Variants in ARHGAP24 observed in about 807,000 individuals in gnomAD.
ARHGAP24 encodes the protein rho GTPase-activating protein 24.
A neutral mutation model predicts 76.4 loss-of-function variants in ARHGAP24; 50 were observed. The observed-to-expected ratio is 0.65, with a 90% CI of 0.52 to 0.83. ARHGAP24 has a LOEUF of 0.83. ARHGAP24 is among the 40% of genes least tolerant of loss of function. ARHGAP24 has a pLI of 0.00. For missense variants in ARHGAP24, 930 were observed against 914.2 expected, an observed-to-expected ratio of 1.02 and a Z score of -0.22; for synonymous variants, 345 against 323.3, an observed-to-expected ratio of 1.07 and a Z score of -0.72.
chr4:85,778,593 T>A, intron 3 of ARHGAP24: 3 of 852,594 alleles, frequency 3.5e-6, no homozygotes, highest in Non-Finnish European at 4.2e-6. Context: ...TTTCTATGAT[T>A]CCTATTTCTT....
intron 2 of ARHGAP24, among the ~76,000 whole-genome samples, chr4:85,574,657 A>G (rs769414359): frequency 5.3e-5 from 8 of 152,226 alleles, no homozygotes; most frequent in Non-Finnish European, 1.2e-4. Flanking sequence ...CTCAAACTAC[A>G]CAACTATGTT....
intron 2 of ARHGAP24, among the ~76,000 whole-genome samples, chr4:85,668,044 C>T (rs961033456): frequency 6.6e-6 from 1 of 152,112 alleles, no homozygotes; most frequent in Non-Finnish European, 1.5e-5. Context: ...TTAGACATTT[C>T]AAGGCTTATT....
At chr4:85,553,499 T>C (rs1331951194) in intron 1 of ARHGAP24, among the ~76,000 whole-genome samples, 2 of 152,182 alleles carry the variant, frequency 1.3e-5, no homozygotes, top group African/African-American at 4.8e-5. Context: ...CACAGAGCGC[T>C]GATTGGTGCA....
At chr4:85,911,399 A>G (rs1021202151) in intron 3 of ARHGAP24, among the ~76,000 whole-genome samples, 4 of 152,254 alleles carry the variant, frequency 2.6e-5, no homozygotes, top group Non-Finnish European at 5.9e-5. Context: ...AAAAAAGAAA[A>G]AAAAAATTAA....
chr4:85,677,360 C>CTAGT (rs1208617596), intron 2 of ARHGAP24, among the ~76,000 whole-genome samples: 1 of 152,208 alleles, frequency 6.6e-6, no homozygotes, highest in Non-Finnish European at 1.5e-5. Flanking sequence ...GCTACCCAAC[C>CTAGT]TAGTTAGGCA....
chr4:85,577,332 C>A (rs1389814075), intron 2 of ARHGAP24, among the ~76,000 whole-genome samples: 1 of 151,848 alleles, frequency 6.6e-6, no homozygotes, highest in Non-Finnish European at 1.5e-5. Flanking sequence ...GGAAAGTTTG[C>A]TTCAAACAAC....
At chr4:85,652,482 C>T (rs1219899585) in intron 2 of ARHGAP24, among the ~76,000 whole-genome samples, 1 of 152,164 alleles carries the variant, frequency 6.6e-6, no homozygotes, top group Non-Finnish European at 1.5e-5. Context: ...TTATGTGTGA[C>T]TTGTGCCTAG....
intron 3 of ARHGAP24, among the ~76,000 whole-genome samples, chr4:85,832,217 T>C (rs969648385): frequency 6.6e-6 from 1 of 152,096 alleles, no homozygotes; most frequent in African/African-American, 2.4e-5. Context: ...TTAGCTAGTT[T>C]GTATAATTCC....
intron 8 of ARHGAP24, among the ~76,000 whole-genome samples, chr4:85,980,010 TG>T (rs1362331179): frequency 3.3e-5 from 5 of 152,184 alleles, no homozygotes; most frequent in African/African-American, 1.2e-4. Flanking sequence ...CTTCCTAGTT[TG>T]GGGTAGCTAT....
intron 2 of ARHGAP24, among the ~76,000 whole-genome samples, chr4:85,716,509 A>G (rs950937939): frequency 6.6e-6 from 1 of 152,090 alleles, no homozygotes; most frequent in African/African-American, 2.4e-5. Context: ...ACTCTTATCA[A>G]AAAGGTTCCA....
intron 2 of ARHGAP24, among the ~76,000 whole-genome samples, chr4:85,610,451 CAAAAAAAAAAAAAA>C (rs57348830): frequency 2.5e-4 from 13 of 51,212 alleles, no homozygotes; most frequent in African/African-American, 4.0e-4. Flanking sequence ...ACTCCATCTA[CAAAAAAAAAAAAAA>C]AAAAAAAAAA....
At chr4:85,657,501 AAT>A (rs1359115939) in intron 2 of ARHGAP24, among the ~76,000 whole-genome samples, 1 of 152,190 alleles carries the variant, frequency 6.6e-6, no homozygotes, top group Admixed American at 6.5e-5. Context: ...GAAAATCTTT[AAT>A]ATCTAGCCAG....
intron 3 of ARHGAP24, among the ~76,000 whole-genome samples, chr4:85,848,956 T>G (rs1731055659): frequency 6.6e-6 from 1 of 152,066 alleles, no homozygotes. Context: ...ATATGAACTT[T>G]AAAGTAGTTT....
chr4:85,862,959 C>T (rs756758228), intron 3 of ARHGAP24, among the ~76,000 whole-genome samples: 10 of 152,112 alleles, frequency 6.6e-5, no homozygotes, highest in African/African-American at 2.4e-4. Context: ...CAGACATATT[C>T]TCCTCAAAGC....
chr4:85,646,548 A>G (rs892601044), intron 2 of ARHGAP24, among the ~76,000 whole-genome samples: 1 of 152,054 alleles, frequency 6.6e-6, no homozygotes, highest in Non-Finnish European at 1.5e-5. Flanking sequence ...ATTCCTCTTT[A>G]GTTCAAAAGT....
At chr4:85,655,766 C>CATATGTATATATAT (rs1391162048) in intron 2 of ARHGAP24, among the ~76,000 whole-genome samples, 1 of 69,048 alleles carries the variant, frequency 1.4e-5, no homozygotes, top group African/African-American at 1.0e-4. Context: ...AGTGAGACTC[C>CATATGTATATATAT]ATATATATAT....
rs1303337239 is a variant in ARHGAP24 at position 85,485,787 on chromosome 4, T to A, written c.-21+10228T>A. ...TCTCACTTTGTCACCCAGGCTGGAG[T>A]GCAGTGGTGATCTTGGCTCACTGCA... On this transcript the variant is annotated intron_variant, in intron 1 of 9. Transcript: ENST00000395184. 2.7e-5 allele frequency among the ~76,000 whole-genome samples: 4 copies of A among 150,146 alleles called. No individual in the cohort carries two copies. The Admixed American group carries it at 2.7e-4, about 10-fold the overall frequency.
chr4:85,607,375 G>T (rs1720230401), intron 2 of ARHGAP24, among the ~76,000 whole-genome samples: 1 of 151,312 alleles, frequency 6.6e-6, no homozygotes, highest in Non-Finnish European at 1.5e-5. Flanking sequence ...AGGGAGGGAG[G>T]AACGGAGGGA....
intron 2 of ARHGAP24, among the ~76,000 whole-genome samples, chr4:85,626,635 T>G (rs1720964449): frequency 6.6e-6 from 1 of 152,222 alleles, no homozygotes. Context: ...CTTGCTATAT[T>G]GGGGAAGTTC....
Sources: gnomAD v4.1 joint callset for allele counts (sites outside exome capture counted in the v4.1 genomes callset) on GRCh38, gnomAD v4.1.1 for gene constraint, MANE v1.5 for transcripts, NCBI Gene and HGNC (gene_info 2026-07-23, HGNC 2026-07-21) for gene names.